The following TNNC2 variants were observed in gnomAD, a reference collection of about 807,000 sequenced individuals.
TNNC2 encodes the protein troponin C, skeletal muscle.
TNNC2 carries 14 observed loss-of-function variants against 20.0 expected under a neutral mutation model. That is an observed-to-expected ratio of 0.70 (90% CI 0.46 to 1.09). The LOEUF is 1.09. TNNC2 is among the 50% of genes least tolerant of loss of function. The pLI is 0.00. For missense variants in TNNC2, 163 were observed against 223.8 expected (o/e 0.73, Z 1.73); for synonymous variants, 81 against 77.3 (o/e 1.05, Z -0.25).
rs1390562452 is a variant in TNNC2 at position 45,823,358 on chromosome 20, C to T, written c.473G>A (p.Gly158Asp). 3 of 1,591,600 alleles carry T rather than the reference C, an allele frequency of 1.9e-6. No homozygotes were observed. The highest frequency in any genetic ancestry group is 2.6e-6 in the Non-Finnish European group (3 of 1,169,522). Residue 158 changes from glycine (G) to aspartate (D), a missense_variant, in exon 6 of 6, where the codon GGC becomes GAC. Gly to Asp is a moderately conservative substitution (Grantham distance 94). Transcript: ENST00000372555. This position sits in a 1 kb window ranked among gnomAD's most constrained non-coding sequence, Gnocchi z 4.6. Reference sequence around the variant, plus strand: ...GCGACTGTCCACTCCTTACTGCACGCCCTCCATCATCTTCAGGAACTCTGA... The same window carrying T: ...GCGACTGTCCACTCCTTACTGCACGTCCTCCATCATCTTCAGGAACTCTGA... ...DFDEFLKMME[G>D]VQ
chr20:45,826,322 C>T (rs777177139), intron 1 of TNNC2, among the ~76,000 whole-genome samples: 2 of 152,236 alleles, frequency 1.3e-5, no homozygotes, highest in Non-Finnish European at 2.9e-5. Context: ...CCTCAGAGAA[C>T]TGGCAGAGTC....
rs776174316 is a variant in TNNC2 at position 45,824,423 on chromosome 20, G to A, written c.200-17C>T. 6.1e-5 allele frequency: 99 copies of A among 1,610,642 alleles called. 1 individual carries two copies. In the East Asian group the frequency reaches 1.4e-3, roughly 24 times the overall value. On this transcript the variant is annotated splice_polypyrimidine_tract_variant and intron_variant, in intron 3 of 5. Transcript: ENST00000372555. The stretch of plus-strand genomic sequence containing the variant: ...TGCCGCTGCCTGCGGGCAGCAGGTG[G>A]CAGACTGAGCCTGAGCCCAGCCGCT...
upstream of TNNC2, among the ~76,000 whole-genome samples, chr20:45,828,548 G>C (rs1054873091): frequency 3.9e-5 from 6 of 152,102 alleles, no homozygotes; most frequent in African/African-American, 1.4e-4. Context: ...TTGAAGTAAG[G>C]AGTAGGCAGG....
upstream of TNNC2, among the ~76,000 whole-genome samples, chr20:45,828,296 C>G (rs1006416794): frequency 4.0e-5 from 6 of 151,412 alleles, no homozygotes; most frequent in African/African-American, 1.5e-4. Flanking sequence ...CCTTGGTTTC[C>G]CAAAGTGCTA....
At position 45,824,793 on chromosome 20, in the gene TNNC2, C is replaced by G; in HGVS notation, c.45G>C (p.Glu15Asp). 4 of 1,593,622 alleles carry G rather than the reference C, an allele frequency of 2.5e-6. No homozygotes were observed. The highest frequency in any genetic ancestry group is 3.4e-6 in the Non-Finnish European group (4 of 1,168,042). Residue 15 changes from glutamate (E) to aspartate (D), a missense_variant, in exon 2 of 6, where the codon GAG becomes GAC. Glu to Asp is a conservative substitution (Grantham distance 45). Coordinates refer to ENST00000372555, the MANE Select transcript of TNNC2 (RefSeq NM_003279.3). Reference sequence around the variant, plus strand: ...CCGCGCCTCACTCACCAGCGATCATCTCTTCGCTGAGGTAGGACCTGGCCT... The same window carrying G: ...CCGCGCCTCACTCACCAGCGATCATGTCTTCGCTGAGGTAGGACCTGGCCT... ...QAEARSYLSE[E>D]MIAEFKAAFD...
intron 1 of TNNC2, among the ~76,000 whole-genome samples, chr20:45,826,045 C>T (rs1982962770): frequency 7.2e-6 from 1 of 139,334 alleles, no homozygotes; most frequent in Admixed American, 7.4e-5. Flanking sequence ...CGTCAATTAG[C>T]GTGCCTTCAT....
At chr20:45,829,389 C>T (rs1431502006), upstream of TNNC2, among the ~76,000 whole-genome samples, 2 of 151,994 alleles carry the variant, frequency 1.3e-5, no homozygotes, top group African/African-American at 4.8e-5. Flanking sequence ...GTCTCAAACT[C>T]CCAACCTCAG....
intron 1 of TNNC2, among the ~76,000 whole-genome samples, chr20:45,827,014 T>A (rs1487237164): frequency 1.3e-5 from 2 of 152,214 alleles, no homozygotes; most frequent in Non-Finnish European, 2.9e-5. Flanking sequence ...GCTGGAAGTT[T>A]CCAGAAGTGA....
At chr20:45,824,179 G>C in intron 4 of TNNC2, 52 bp from the exon 5 acceptor site, 1 of 1,603,156 alleles carries the variant, frequency 6.2e-7, no homozygotes, top group Non-Finnish European at 8.5e-7. Context: ...AGCTGCCCTG[G>C]CCACCACACT....
In TNNC2 at chr20:45,823,929, A is replaced by G. The variant is rs764660804; in HGVS notation, c.451+62T>C. The G allele has an allele frequency of 6.2e-7, 1 of 1,607,268 alleles. No homozygotes were observed. Among genetic ancestry groups the G allele is most frequent in the Non-Finnish European group, 8.5e-7 (1 of 1,176,006 alleles). ...CAAGGACACTGCACCGGAGCCAGGCACCAGTGCCCGCCGTCCTCTGGGGCT... is the reference window on the plus strand; with the variant it reads ...CAAGGACACTGCACCGGAGCCAGGCGCCAGTGCCCGCCGTCCTCTGGGGCT... On this transcript the variant is annotated intron_variant, in intron 5 of 5. Coordinates refer to ENST00000372555, the MANE Select transcript of TNNC2 (RefSeq NM_003279.3). The surrounding 1 kb of genome is among the most constrained non-coding windows in gnomAD (Gnocchi z 4.6).
upstream of TNNC2, among the ~76,000 whole-genome samples, chr20:45,829,373 A>T (rs529728749): frequency 3.2e-4 from 48 of 152,016 alleles, no homozygotes; most frequent in South Asian, 9.6e-3. Flanking sequence ...CATGTTGGTC[A>T]AGCTGGTCTC....
At chr20:45,831,653 G>A (rs1039010167), upstream of TNNC2, among the ~76,000 whole-genome samples, 8 of 152,114 alleles carry the variant, frequency 5.3e-5, no homozygotes, top group Admixed American at 1.3e-4. Flanking sequence ...GAAGAAGCAG[G>A]AGGAGGAAGA....
chr20:45,824,161 C>A, intron 4 of TNNC2, 34 bp from the exon 5 acceptor site: 1 of 1,608,918 alleles, frequency 6.2e-7, no homozygotes, highest in Non-Finnish European at 8.5e-7. Context: ...GGGCTCAGGG[C>A]CGGGGCGAGC....
upstream of TNNC2, among the ~76,000 whole-genome samples, chr20:45,829,405 C>G (rs909218861): frequency 1.6e-4 from 24 of 152,038 alleles, no homozygotes; most frequent in Admixed American, 1.5e-3. Flanking sequence ...CTCAGGTGAT[C>G]CGCCCACCTC....
chr20:45,825,229 G>A (rs1380270103), intron 1 of TNNC2, among the ~76,000 whole-genome samples: 4 of 152,040 alleles, frequency 2.6e-5, no homozygotes, highest in Non-Finnish European at 4.4e-5. Context: ...CTGCCACCTC[G>A]GCCTCCCAAA....
Position 45,823,907 on chromosome 20 carries a change from G to A in TNNC2, c.451+84C>T, listed in dbSNP as rs551547278. On this transcript the variant is annotated intron_variant, in intron 5 of 5. Coordinates refer to ENST00000372555, the MANE Select transcript of TNNC2 (RefSeq NM_003279.3). This position sits in a 1 kb window ranked among gnomAD's most constrained non-coding sequence, Gnocchi z 4.6. Reference sequence around the variant, plus strand: ...CGCCCAGCCCAGCCCACAAGGCCAAGGACACTGCACCGGAGCCAGGCACCA... The same window carrying A: ...CGCCCAGCCCAGCCCACAAGGCCAAAGACACTGCACCGGAGCCAGGCACCA... 1.3e-6 allele frequency: 2 copies of A among 1,593,840 alleles called. No individual in the cohort carries two copies. The highest frequency in any genetic ancestry group is 4.5e-5 in the East Asian group (2 of 44,698).
rs2053679110 is a variant in TNNC2, at chr20:45,824,320, G to C, written c.286C>G (p.Leu96Val). 1 of 1,610,772 alleles carries C rather than the reference G, an allele frequency of 6.2e-7. No individual in the cohort carries two copies. Among genetic ancestry groups the C allele is most frequent in the African/African-American group, 1.3e-5 (1 of 74,924 alleles). ...EDAKGKSEEELAECFRIFDRN... is the reference protein window; with the variant it reads ...EDAKGKSEEEVAECFRIFDRN... ...TCGAAGATGCGGAAGCACTCGGCCAGCTCCTCCTCGCTCTTCCCTTTCGCG... is the reference window on the plus strand; with the variant it reads ...TCGAAGATGCGGAAGCACTCGGCCACCTCCTCCTCGCTCTTCCCTTTCGCG... The change falls in exon 4 of 6, where the codon CTG becomes GTG. Residue 96 changes from leucine (L) to valine (V), a missense_variant. Transcript: ENST00000372555.
At chr20:45,827,348 G>T (rs556737543), upstream of TNNC2, 8 of 1,528,520 alleles carry the variant, frequency 5.2e-6, no homozygotes, top group Non-Finnish European at 7.2e-6. Context: ...ATTTGTAGGG[G>T]CACCCTCCCC....
chr20:45,829,776 A>G (rs1601058256), upstream of TNNC2, among the ~76,000 whole-genome samples: 1 of 142,108 alleles, frequency 7.0e-6, no homozygotes, highest in South Asian at 2.3e-4. Context: ...ACAGAGCAAG[A>G]CCCCGTCTCA....
Sources: gnomAD v4.1 joint callset for allele counts (sites outside exome capture counted in the v4.1 genomes callset) on GRCh38, gnomAD v4.1.1 for gene constraint, Gnocchi (gnomAD v3.1) non-coding constraint, MANE v1.5 for transcripts, NCBI Gene and HGNC (gene_info 2026-07-23, HGNC 2026-07-21) for gene names.